The following ACSM3 variants were observed in gnomAD, a reference collection of about 807,000 sequenced individuals.
ACSM3 encodes acyl-CoA synthetase medium chain family member 3, also known as acyl-coenzyme A synthetase ACSM3, mitochondrial.
In ACSM3, 61 loss-of-function variants were observed where a neutral mutation model predicts 74.1. That is an observed-to-expected ratio of 0.82 (90% confidence interval 0.67 to 1.02). The LOEUF is 1.02. Among genes scored for constraint, ACSM3 ranks in the 50% least tolerant of loss-of-function variants. ACSM3 has a pLI of 0.00. For missense variants in ACSM3, 660 were observed against 697.0 expected (o/e 0.95, Z 0.60); for synonymous variants, 213 against 241.5 (o/e 0.88, Z 1.09).
chr16:20,731,359 A>T lies in ACSM3; in HGVS notation c.-189-18551A>T, dbSNP rs2079829303. Among the ~76,000 whole-genome samples the T allele has an allele frequency of 6.6e-5, 10 of 152,330 alleles. No individual in the cohort carries two copies. In the South Asian group the frequency reaches 1.9e-3, roughly 28 times the overall value. ...TGTGAAATAAATGGGATCACTCTGA[A>T]ATGTTAAATACATGTGTGACCTGTA... On this transcript the variant is annotated intron_variant, in intron 1 of 3. Transcript: ENST00000561584.
At chr16:20,734,145 A>G (rs2079848854) in intron 1 of ACSM3, 1 of 152,620 alleles carries the variant, frequency 6.6e-6, no homozygotes, top group Non-Finnish European at 1.5e-5. Context: ...AACAAACTGT[A>G]TAATCAAAAT....
At chr16:20,696,911 T>C (rs2079692686) in intron 1 of ACSM3, among the ~76,000 whole-genome samples, 1 of 152,184 alleles carries the variant, frequency 6.6e-6, no homozygotes, top group South Asian at 2.1e-4. Context: ...TTTGGTGCTG[T>C]TCATGTCTCT....
At chr16:20,700,127 T>C (rs1477653240) in intron 1 of ACSM3, among the ~76,000 whole-genome samples, 2 of 152,210 alleles carry the variant, frequency 1.3e-5, no homozygotes, top group African/African-American at 4.8e-5. Flanking sequence ...CCTTGTTCTC[T>C]GAGTGACTTC....
intron 1 of ACSM3, among the ~76,000 whole-genome samples, chr16:20,723,655 T>C (rs1266942090): frequency 6.6e-6 from 1 of 152,230 alleles, no homozygotes; most frequent in Non-Finnish European, 1.5e-5. Flanking sequence ...CATTTTTTCA[T>C]GTGTTTTTTG....
At chr16:20,785,181 C>G in intron 8 of ACSM3, 74 bp downstream of exon 8, 2 of 1,574,208 alleles carry the variant, frequency 1.3e-6, no homozygotes, top group Non-Finnish European at 1.7e-6. Flanking sequence ...TGTCCACAGT[C>G]TCCTTATGAT....
In ACSM3 at chr16:20,786,209, A is replaced by G. The variant is rs374820623; in HGVS notation, c.1224+51A>G. ...TGTTTAACAACCCAATCTGTACACT[A>G]CCTACCTACCGCTTACCCCCATATA... On this transcript the variant is annotated intron_variant, in intron 9 of 13. Transcript: ENST00000289416. 30 of 1,587,116 alleles carry G rather than the reference A, an allele frequency of 1.9e-5. No homozygotes were observed. In the African/African-American group the frequency reaches 3.8e-4, roughly 20 times the overall value.
chr16:20,757,259 A>AC (rs1414404603), intron 3 of ACSM3, among the ~76,000 whole-genome samples: 1 of 151,896 alleles, frequency 6.6e-6, no homozygotes, highest in Non-Finnish European at 1.5e-5. Context: ...GATTCTTCCT[A>AC]CCCATGAGCA....
Position 20,723,348 on chromosome 16 carries a change from G to A in ACSM3, c.-189-26562G>A, listed in dbSNP as rs561993320. 5.2e-3 allele frequency among the ~76,000 whole-genome samples: 790 copies of A among 152,220 alleles called. 5 individuals carry two copies. Among genetic ancestry groups the A allele is most frequent in the African/African-American group, 0.018 (738 of 41,498 alleles). ...GAATAGTGCCACAATAAACATACGT[G>A]TGCATGTGTCTTTATAGCAGCATGA... On this transcript the variant is annotated intron_variant, in intron 1 of 3. Transcript: ENST00000561584.
chr16:20,777,925 G>C (rs1218007851), intron 4 of ACSM3, among the ~76,000 whole-genome samples: 1 of 152,194 alleles, frequency 6.6e-6, no homozygotes, highest in Non-Finnish European at 1.5e-5. Flanking sequence ...CAACCCACTG[G>C]GACCTCTGAA....
intron 1 of ACSM3, among the ~76,000 whole-genome samples, chr16:20,716,085 C>G (rs1358004498): frequency 1.3e-5 from 2 of 152,136 alleles, no homozygotes; most frequent in African/African-American, 4.8e-5. Flanking sequence ...TTCTTGAGGC[C>G]TAGGCTGAGA....
Position 20,790,662 on chromosome 16 carries a change from C to A in ACSM3, c.1300C>A (p.Pro434Thr). The A allele has an allele frequency of 6.2e-7, 1 of 1,614,144 alleles. No homozygotes were observed. Among genetic ancestry groups the A allele is most frequent in the Non-Finnish European group, 8.5e-7 (1 of 1,179,992 alleles). Residue 434 changes from proline to threonine, a missense_variant, in exon 10 of 14, where the codon CCA (proline) becomes ACA (threonine). Coordinates refer to ENST00000289416, the MANE Select transcript of ACSM3 (RefSeq NM_005622.4). This position sits in a 1 kb window ranked among gnomAD's most constrained non-coding sequence, Gnocchi z 4.0. ...TGGCATTCAAGTTCTACCCAACCGA[C>A]CATTTGGCCTTTTTACTCATTACGT... ...DIGIQVLPNR[P>T]FGLFTHYVDN...
In ACSM3 at chr16:20,797,524, G is replaced by A. The variant is rs1485426993; in HGVS notation, c.*552G>A. 1 of 1,175,818 alleles carries A rather than the reference G, an allele frequency of 8.5e-7. No homozygotes were observed. Among genetic ancestry groups the A allele is most frequent in the African/African-American group, 1.6e-5 (1 of 62,930 alleles). 72.8% of individuals were successfully genotyped at this position (1,175,818 alleles called of 1,614,324 possible). A position where few individuals can be genotyped will look rare whatever the true frequency, so the allele number is the denominator to read the frequency against. ...GTTTCAAGGTCTAACTATAAAAGAA[G>A]GATCATATACTATTGTTGCTTATTA... On this transcript the variant is annotated 3_prime_UTR_variant, in exon 14 of 14. Transcript: ENST00000289416.
chr16:20,738,500 AT>A (rs1400311055), intron 1 of ACSM3, among the ~76,000 whole-genome samples: 1 of 152,210 alleles, frequency 6.6e-6, no homozygotes, highest in East Asian at 1.9e-4. Context: ...TGCTCCGAAA[AT>A]TTGTAAATTA....
chr16:20,693,572 T>C (rs533443480), intron 1 of ACSM3, among the ~76,000 whole-genome samples: 53 of 152,328 alleles, frequency 3.5e-4, no homozygotes, highest in African/African-American at 1.2e-3. Context: ...ACCCATATAA[T>C]AGACAATAGA....
At chr16:20,695,953 A>T (rs985931878) in intron 1 of ACSM3, among the ~76,000 whole-genome samples, 2 of 152,250 alleles carry the variant, frequency 1.3e-5, no homozygotes, top group African/African-American at 4.8e-5. Context: ...TGTCATTGTC[A>T]GTGATGGATC....
intron 6 of ACSM3, among the ~76,000 whole-genome samples, 169 bp downstream of exon 6, chr16:20,781,299 T>C (rs949407608): frequency 2.0e-5 from 3 of 152,196 alleles, no homozygotes; most frequent in African/African-American, 7.2e-5. Flanking sequence ...CCCCTCTGTA[T>C]CCACAGGTTC....
chr16:20,760,865 A>G (rs1396146991), upstream of ACSM3, among the ~76,000 whole-genome samples: 1 of 152,164 alleles, frequency 6.6e-6, no homozygotes, highest in Non-Finnish European at 1.5e-5. Context: ...GACATTCACA[A>G]GTGTTCTCTT....
At chr16:20,782,253 T>C (rs2080368333) in intron 7 of ACSM3, among the ~76,000 whole-genome samples, 1 of 152,204 alleles carries the variant, frequency 6.6e-6, no homozygotes, top group South Asian at 2.1e-4. Context: ...TTGTTTTGTT[T>C]TGTTTCAATA....
chr16:20,674,458 A>AC (rs1261970875), upstream of ACSM3: 1 of 117,982 alleles, frequency 8.5e-6, no homozygotes, highest in African/African-American at 3.4e-5. Flanking sequence ...CCCCCTCTCC[A>AC]CCCCCAAAAT....
Sources: gnomAD v4.1 joint callset for allele counts (sites outside exome capture counted in the v4.1 genomes callset) on GRCh38, gnomAD v4.1.1 for gene constraint, Gnocchi (gnomAD v3.1) non-coding constraint, MANE v1.5 for transcripts, NCBI Gene and HGNC (gene_info 2026-07-23, HGNC 2026-07-21) for gene names.